PTPRG: variants seen among roughly 807,000 people sequenced by gnomAD.
The protein encoded by PTPRG is receptor-type tyrosine-protein phosphatase gamma.
In PTPRG, 102 loss-of-function variants were observed where a neutral mutation model predicts 165.3. The ratio of observed to expected loss-of-function variants is 0.62; its 90% CI spans 0.53 to 0.73. PTPRG has a LOEUF of 0.73. Ranked by LOEUF, PTPRG falls within the 30% of genes least tolerant of loss-of-function variation. The probability of loss-of-function intolerance (pLI) is 0.00; values close to 1 mark genes in which losing one functional copy is unlikely to be tolerated. For synonymous variants in PTPRG, 675 were observed against 669.5 expected (o/e 1.01, Z -0.13); for missense variants, 1,866 against 1,861.4 (o/e 1.00, Z -0.05).
chr3:61,848,296 G>A (rs1430916397), intron 2 of PTPRG, among the ~76,000 whole-genome samples: 1 of 152,238 alleles, frequency 6.6e-6, no homozygotes, highest in Non-Finnish European at 1.5e-5. Flanking sequence ...GGGTGGGGCT[G>A]AAGTCACAGC....
At chr3:62,074,740 C>T (rs1168478205) in intron 4 of PTPRG, among the ~76,000 whole-genome samples, 1 of 152,096 alleles carries the variant, frequency 6.6e-6, no homozygotes, top group Non-Finnish European at 1.5e-5. Flanking sequence ...AAAGAACAGA[C>T]TTTGGGGAAT....
rs546108429 is a variant in PTPRG, at chr3:61,742,659, C to T, written c.86-6219C>T. The T allele has an allele frequency of 2.5e-6, 4 of 1,605,164 alleles. No individual in the cohort carries two copies. The South Asian group carries it at 4.4e-5, about 18-fold the overall frequency. On this transcript the variant is annotated intron_variant, in intron 1 of 29. Transcript: ENST00000474889. ...TTTGGAACTTGATTGTGGACTTCACCTCACCCACTTTGGCCACCATGTTTT... is the reference window on the plus strand; with the variant it reads ...TTTGGAACTTGATTGTGGACTTCACTTCACCCACTTTGGCCACCATGTTTT...
At chr3:61,802,135 C>G (rs1287395351) in intron 2 of PTPRG, among the ~76,000 whole-genome samples, 1 of 151,890 alleles carries the variant, frequency 6.6e-6, no homozygotes, top group Non-Finnish European at 1.5e-5. Flanking sequence ...CTGCACCCTA[C>G]CCTACAGTCT....
rs528178697 is a variant in PTPRG at position 61,813,637 on chromosome 3, C to G, written c.190+64655C>G. On this transcript the variant is annotated intron_variant, in intron 2 of 29. Transcript: ENST00000474889. The stretch of plus-strand genomic sequence containing the variant: ...TTTCAGCCATGAAGAGTTCTAGATG[C>G]CTTTAATAGCAGTAGTTGTAGTTGT... 2.2e-5 allele frequency among the ~76,000 whole-genome samples: 3 copies of G among 137,538 alleles called. No individual in the cohort carries two copies. The East Asian group carries it at 6.7e-4, about 31-fold the overall frequency. 90.2% of individuals were successfully genotyped at this position (137,538 alleles called of 152,430 possible). A position where few individuals can be genotyped will look rare whatever the true frequency, so the allele number is the denominator to read the frequency against.
chr3:61,830,195 C>T (rs73088016), intron 2 of PTPRG, among the ~76,000 whole-genome samples: 5,728 of 152,288 alleles, frequency 0.038, 165 homozygotes, highest in South Asian at 0.13. Context: ...CCTGGGAATA[C>T]TGCCAGTTCT....
At chr3:61,980,481 T>C (rs561003583) in intron 2 of PTPRG, among the ~76,000 whole-genome samples, 7 of 152,300 alleles carry the variant, frequency 4.6e-5, no homozygotes, top group African/African-American at 1.7e-4. Context: ...GGAAAGAAGA[T>C]AGGAAGAAAG....
At chr3:61,698,253 C>A (rs1428814970) in intron 1 of PTPRG, among the ~76,000 whole-genome samples, 4 of 152,114 alleles carry the variant, frequency 2.6e-5, no homozygotes, top group Non-Finnish European at 4.4e-5. Context: ...GTCTCCATGG[C>A]ACATAAGAGA....
intron 2 of PTPRG, among the ~76,000 whole-genome samples, chr3:61,920,464 C>A (rs57217355): frequency 2.0e-5 from 3 of 152,274 alleles, no homozygotes; most frequent in African/African-American, 7.2e-5. Flanking sequence ...GGCACAATCT[C>A]GGCTCACTGC....
chr3:61,963,577 A>G (rs2040201827), intron 2 of PTPRG, among the ~76,000 whole-genome samples: 1 of 152,206 alleles, frequency 6.6e-6, no homozygotes, highest in South Asian at 2.1e-4. Flanking sequence ...AATGAAATAC[A>G]TATTAATCCA....
At chr3:62,005,985 G>T (rs957613731) in intron 4 of PTPRG, among the ~76,000 whole-genome samples, 3 of 152,022 alleles carry the variant, frequency 2.0e-5, no homozygotes, top group Non-Finnish European at 4.4e-5. Flanking sequence ...TTACAGGCGT[G>T]AGCCACCGTA....
At chr3:62,022,344 T>C (rs954178689) in intron 4 of PTPRG, among the ~76,000 whole-genome samples, 2 of 152,220 alleles carry the variant, frequency 1.3e-5, no homozygotes, top group Non-Finnish European at 2.9e-5. Flanking sequence ...GTCTGATCTT[T>C]TAGTTAAATC....
At chr3:61,568,617 A>AT (rs202099677) in intron 1 of PTPRG, among the ~76,000 whole-genome samples, 12 of 150,842 alleles carry the variant, frequency 8.0e-5, no homozygotes, top group East Asian at 7.8e-4. Flanking sequence ...TGTAAAAAAA[A>AT]TTTTTTTTTT....
At chr3:61,755,316 G>A (rs2033599033) in intron 2 of PTPRG, among the ~76,000 whole-genome samples, 1 of 152,072 alleles carries the variant, frequency 6.6e-6, no homozygotes, top group Admixed American at 6.6e-5. Context: ...CCCTAATAGA[G>A]ACCTTCTGAT....
chr3:62,114,787 G>A (rs1346330602), intron 5 of PTPRG, among the ~76,000 whole-genome samples: 1 of 152,102 alleles, frequency 6.6e-6, no homozygotes, highest in Non-Finnish European at 1.5e-5. Context: ...TAGGACAGGT[G>A]CATGCCACCT....
chr3:61,945,335 G>A (rs1169620358), intron 2 of PTPRG, among the ~76,000 whole-genome samples: 3 of 151,954 alleles, frequency 2.0e-5, no homozygotes, highest in South Asian at 2.1e-4. Flanking sequence ...CAAGGTGGGC[G>A]GATCACCTGA....
At chr3:62,180,267 G>T (rs1158244528) in intron 8 of PTPRG, among the ~76,000 whole-genome samples, 2 of 152,192 alleles carry the variant, frequency 1.3e-5, no homozygotes, top group East Asian at 3.9e-4. Context: ...TTGGATACCA[G>T]TCTTGTGTTG....
chr3:61,650,881 T>C (rs183059379), intron 1 of PTPRG, among the ~76,000 whole-genome samples: 13 of 152,362 alleles, frequency 8.5e-5, no homozygotes, highest in African/African-American at 3.1e-4. Context: ...TACTTTATGA[T>C]GTAAACTAAT....
At chr3:61,585,746 CA>C (rs1258268384) in intron 1 of PTPRG, among the ~76,000 whole-genome samples, 2 of 152,288 alleles carry the variant, frequency 1.3e-5, no homozygotes, top group Admixed American at 1.3e-4. Context: ...GACCGTGTCT[CA>C]AAAGAAAACA....
intron 5 of PTPRG, among the ~76,000 whole-genome samples, chr3:62,078,594 T>C (rs1011824443): frequency 1.3e-5 from 2 of 152,194 alleles, no homozygotes; most frequent in African/African-American, 4.8e-5. Flanking sequence ...AGGTGTTTTT[T>C]TGAGCAACTT....
Sources: allele counts gnomAD v4.1 joint callset (sites outside exome capture counted in the v4.1 genomes callset), GRCh38; gene constraint gnomAD v4.1.1; transcripts MANE v1.5; gene names NCBI Gene and HGNC (gene_info 2026-07-23, HGNC 2026-07-21).